CDKAL1: variants seen among roughly 807,000 people sequenced by gnomAD.
CDKAL1 encodes CDKAL1 threonylcarbamoyladenosine tRNA methylthiotransferase.
Under a neutral mutation model 68.2 loss-of-function variants are expected in CDKAL1, and 32 were observed. The observed-to-expected ratio is 0.47, with a 90% CI of 0.35 to 0.63. The LOEUF (loss-of-function observed/expected upper bound fraction) is 0.63, where lower values mean the gene tolerates loss of function less well. CDKAL1 is among the 30% of genes least tolerant of loss of function. The pLI, the probability that CDKAL1 is intolerant of heterozygous loss-of-function variation, is 0.00. For synonymous variants in CDKAL1, 234 were observed against 244.3 expected (o/e 0.96, Z 0.39); for missense variants, 606 against 696.7 (o/e 0.87, Z 1.47).
chr6:20,664,178 A>T (rs1233783334), intron 5 of CDKAL1, among the ~76,000 whole-genome samples: 1 of 152,154 alleles, frequency 6.6e-6, no homozygotes, highest in African/African-American at 2.4e-5. Flanking sequence ...ACTGTCGAGA[A>T]CTACCCAGAT....
chr6:20,643,367 T>C (rs1768280001), intron 4 of CDKAL1, among the ~76,000 whole-genome samples: 1 of 152,228 alleles, frequency 6.6e-6, no homozygotes, highest in Admixed American at 6.5e-5. Flanking sequence ...AAAGTGGCAG[T>C]GTGTTTGTAT....
At chr6:21,016,603 G>A (rs1013604157) in intron 11 of CDKAL1, among the ~76,000 whole-genome samples, 6 of 146,858 alleles carry the variant, frequency 4.1e-5, no homozygotes, top group Admixed American at 6.9e-5. Context: ...CTGTCCCCAC[G>A]CCTTCCATTC....
intron 11 of CDKAL1, among the ~76,000 whole-genome samples, chr6:21,029,558 G>A (rs1179324359): frequency 6.6e-6 from 1 of 152,122 alleles, no homozygotes; most frequent in African/African-American, 2.4e-5. Context: ...TGCAGAATGG[G>A]AGAAAATTTT....
intron 13 of CDKAL1, chr6:21,135,826 AG>A (rs1775564557): frequency 6.5e-6 from 2 of 307,152 alleles, no homozygotes; most frequent in East Asian, 1.7e-4. Flanking sequence ...GGTGCCATCC[AG>A]GGGGGAGGCA....
chr6:20,917,861 G>C (rs1230915874), intron 9 of CDKAL1, among the ~76,000 whole-genome samples: 1 of 152,172 alleles, frequency 6.6e-6, no homozygotes, highest in East Asian at 1.9e-4. Flanking sequence ...TTAAGGAATG[G>C]ATCCTTTGTG....
chr6:20,814,275 C>T (rs1165859285), intron 8 of CDKAL1, among the ~76,000 whole-genome samples: 4 of 151,950 alleles, frequency 2.6e-5, no homozygotes, highest in African/African-American at 7.2e-5. Flanking sequence ...ATTGTATTCT[C>T]CCACCTTCCT....
intron 8 of CDKAL1, among the ~76,000 whole-genome samples, chr6:20,818,900 G>T (rs1351399289): frequency 6.6e-6 from 1 of 151,792 alleles, no homozygotes; most frequent in East Asian, 1.9e-4. Flanking sequence ...TTAGAATTTA[G>T]GTTGTACAAA....
intron 11 of CDKAL1, among the ~76,000 whole-genome samples, chr6:21,022,328 T>C (rs1768711697): frequency 6.6e-6 from 1 of 152,234 alleles, no homozygotes. Context: ...CGCCTAGCCA[T>C]AGAGTTAACT....
intron 12 of CDKAL1, among the ~76,000 whole-genome samples, chr6:21,072,247 T>C (rs1771816378): frequency 6.6e-6 from 1 of 152,220 alleles, no homozygotes; most frequent in African/African-American, 2.4e-5. Context: ...CTACTTAACA[T>C]TGATAAATGT....
chr6:20,835,601 G>A (rs1209504257), intron 8 of CDKAL1, among the ~76,000 whole-genome samples: 2 of 152,006 alleles, frequency 1.3e-5, no homozygotes, highest in Admixed American at 6.6e-5. Context: ...AGGCTAGAGT[G>A]CAGTGGCATG....
intron 13 of CDKAL1, among the ~76,000 whole-genome samples, chr6:21,126,183 C>A (rs890170072): frequency 6.6e-6 from 1 of 152,134 alleles, no homozygotes; most frequent in African/African-American, 2.4e-5. Context: ...TATTTAAAAT[C>A]GATCTTTCTA....
At position 20,900,781 on chromosome 6, in the gene CDKAL1, A is replaced by T. The variant is rs755961530; in HGVS notation, c.742+54603A>T. Reference sequence around the variant, plus strand: ...ACATCTTACTGTAGTATCCCTGCCTAAGTAATGTGCTGTAGAAGTTAAAAA... The same window carrying T: ...ACATCTTACTGTAGTATCCCTGCCTTAGTAATGTGCTGTAGAAGTTAAAAA... On this transcript the variant is annotated intron_variant, in intron 9 of 15. Coordinates refer to ENST00000274695, the MANE Select transcript of CDKAL1 (RefSeq NM_017774.3). Among the ~76,000 whole-genome samples, 61 of 152,342 alleles carry T rather than the reference A, an allele frequency of 4.0e-4. 2 individuals are homozygous for T. The highest frequency in any genetic ancestry group is 4.7e-4 in the Non-Finnish European group (32 of 68,022).
At chr6:20,594,505 G>A (rs1312419926) in intron 4 of CDKAL1, among the ~76,000 whole-genome samples, 1 of 151,950 alleles carries the variant, frequency 6.6e-6, no homozygotes. Flanking sequence ...TGCAACCTCT[G>A]CTTTTTTTTT....
chr6:21,031,291 C>T (rs562485818), intron 11 of CDKAL1, among the ~76,000 whole-genome samples: 7 of 151,638 alleles, frequency 4.6e-5, no homozygotes, highest in South Asian at 2.1e-4. Flanking sequence ...CTGCTTTCTT[C>T]GAAGCCCACC....
At chr6:21,152,620 T>TGCTA (rs1170338517) in intron 13 of CDKAL1, among the ~76,000 whole-genome samples, 18 of 152,252 alleles carry the variant, frequency 1.2e-4, no homozygotes, top group Non-Finnish European at 1.2e-4. Flanking sequence ...CTGGAGCCTA[T>TGCTA]GCTAGCTATA....
rs138033161 is a variant in CDKAL1, at chr6:20,594,636, T to C, written c.286+45931T>C. On this transcript the variant is annotated intron_variant, in intron 4 of 15. Coordinates refer to ENST00000274695, the MANE Select transcript of CDKAL1 (RefSeq NM_017774.3). Reference sequence around the variant, plus strand: ...GACGGGTCTTGACTCTTTATCCAATTTGCCAGTCCGTGTCTTTTAGTTGGG... The same window carrying C: ...GACGGGTCTTGACTCTTTATCCAATCTGCCAGTCCGTGTCTTTTAGTTGGG... Among the ~76,000 whole-genome samples, 22 of 152,312 alleles carry C rather than the reference T, an allele frequency of 1.4e-4. No individual in the cohort carries two copies. The East Asian group carries it at 2.3e-3, about 16-fold the overall frequency.
intron 5 of CDKAL1, among the ~76,000 whole-genome samples, chr6:20,714,938 A>G (rs576330940): frequency 6.6e-6 from 1 of 152,310 alleles, no homozygotes; most frequent in East Asian, 1.9e-4. Context: ...TTTATTTAAA[A>G]AATAAATTTT....
chr6:21,144,984 G>A (rs926171899), intron 13 of CDKAL1, among the ~76,000 whole-genome samples: 4 of 152,052 alleles, frequency 2.6e-5, no homozygotes, highest in African/African-American at 7.2e-5. Context: ...ACCTCATGAC[G>A]TGTCCAGAAT....
At chr6:20,651,264 C>T (rs1334760304) in intron 5 of CDKAL1, among the ~76,000 whole-genome samples, 1 of 152,026 alleles carries the variant, frequency 6.6e-6, no homozygotes, top group East Asian at 1.9e-4. Context: ...CGAAGAGGTC[C>T]TTCACTTCCC....
Sources: allele counts gnomAD v4.1 joint callset (sites outside exome capture counted in the v4.1 genomes callset), GRCh38; gene constraint gnomAD v4.1.1; transcripts MANE v1.5; gene names NCBI Gene and HGNC (gene_info 2026-07-23, HGNC 2026-07-21).